Variants in CACNA2D1 observed in about 807,000 individuals in gnomAD.
CACNA2D1 encodes the protein calcium voltage-gated channel auxiliary subunit alpha2delta 1, also known as voltage-dependent calcium channel subunit alpha-2/delta-1.
A neutral mutation model predicts 171.5 loss-of-function variants in CACNA2D1; 53 were observed. The observed-to-expected ratio is 0.31, with a 90% CI of 0.25 to 0.39. The LOEUF (loss-of-function observed/expected upper bound fraction) is 0.39, where lower values mean the gene tolerates loss of function less well. Ranked by LOEUF, CACNA2D1 falls within the 10% of genes least tolerant of loss-of-function variation. The probability of loss-of-function intolerance (pLI) is 1.00; values close to 1 mark genes in which losing one functional copy is unlikely to be tolerated. For synonymous variants in CACNA2D1, 442 were observed against 443.1 expected, an observed-to-expected ratio of 1.00 and a Z score of 0.03; for missense variants, 903 against 1,299.8, an observed-to-expected ratio of 0.69 and a Z score of 4.69.
chr7:82,437,528 T>A (rs189457891), intron 1 of CACNA2D1, among the ~76,000 whole-genome samples: 2 of 152,218 alleles, frequency 1.3e-5, no homozygotes, highest in Admixed American at 1.3e-4. Context: ...CAGAAGCAAA[T>A]GTTAAAATAA....
At chr7:81,980,588 A>C (rs1293898577) in intron 24 of CACNA2D1, among the ~76,000 whole-genome samples, 1 of 136,290 alleles carries the variant, frequency 7.3e-6, no homozygotes, top group Non-Finnish European at 1.6e-5. Flanking sequence ...GCAGATGAGA[A>C]ATATGATTTT....
chr7:82,254,382 A>AT (rs1193381838), intron 3 of CACNA2D1, among the ~76,000 whole-genome samples: 4 of 151,936 alleles, frequency 2.6e-5, no homozygotes, highest in Non-Finnish European at 5.9e-5. Flanking sequence ...TTGCTCTATT[A>AT]TTTTTTCTTC....
In CACNA2D1 at chr7:82,255,601, A is replaced by G. The variant is rs372122340; in HGVS notation, c.294+79534T>C. Among the ~76,000 whole-genome samples the G allele has an allele frequency of 3.0e-3, 456 of 152,302 alleles. 2 individuals are homozygous for G. Among genetic ancestry groups the G allele is most frequent in the African/African-American group, 0.01 (423 of 41,570 alleles). ...CAGGCAGAACTTCTTTAAAAGCCCAATGATAAAAAGAAAATTGTTTTTGAG... is the reference window on the plus strand; with the variant it reads ...CAGGCAGAACTTCTTTAAAAGCCCAGTGATAAAAAGAAAATTGTTTTTGAG... On this transcript the variant is annotated intron_variant, in intron 3 of 38. Coordinates refer to ENST00000356860, the MANE Select transcript of CACNA2D1 (RefSeq NM_000722.4).
chr7:82,174,958 C>T (rs984358290), intron 3 of CACNA2D1, among the ~76,000 whole-genome samples: 63 of 151,814 alleles, frequency 4.1e-4, no homozygotes, highest in African/African-American at 1.3e-3. Flanking sequence ...TTTCCATTAG[C>T]GTTGAATTCT....
intron 2 of CACNA2D1, among the ~76,000 whole-genome samples, chr7:82,346,735 T>C (rs1418083314): frequency 6.6e-6 from 1 of 152,168 alleles, no homozygotes; most frequent in Non-Finnish European, 1.5e-5. Context: ...GAGTAGATCA[T>C]TGTTAGTGGC....
In CACNA2D1 at chr7:82,032,780, T is replaced by C. The variant is rs748977759; in HGVS notation, c.1143+17A>G. 2.3e-6 allele frequency: 3 copies of C among 1,331,162 alleles called. No individual in the cohort carries two copies. The highest frequency in any genetic ancestry group is 2.4e-5 in the East Asian group (1 of 41,340). The allele number at this position is 1,331,162 out of a possible 1,614,324, so 82.5% of individuals were successfully genotyped here. A position where few individuals can be genotyped will look rare whatever the true frequency, so the allele number is the denominator to read the frequency against. ...TAGATCATTATTAAAATTTAAATAT[T>C]ATAAAATTACACTCACTTTTTTATC... On this transcript the variant is annotated intron_variant, in intron 12 of 38. Coordinates refer to ENST00000356860, the MANE Select transcript of CACNA2D1 (RefSeq NM_000722.4).
In CACNA2D1 at chr7:82,137,838, C is replaced by T. The variant is rs955355228; in HGVS notation, c.355-1162G>A. 4.6e-5 allele frequency among the ~76,000 whole-genome samples: 7 copies of T among 151,564 alleles called. No individual in the cohort carries two copies. In the South Asian group the frequency reaches 1.3e-3, roughly 27 times the overall value. On this transcript the variant is annotated intron_variant, in intron 4 of 38. Transcript: ENST00000356860. ...GAGCTTGCAGTGAGCTGAGATCGCG[C>T]GACAGAGCGAGACTCCGCCTCAAAA...
At chr7:82,290,044 T>C (rs890323621) in intron 3 of CACNA2D1, among the ~76,000 whole-genome samples, 82 of 152,218 alleles carry the variant, frequency 5.4e-4, no homozygotes, top group African/African-American at 1.8e-3. Flanking sequence ...AGAGAGAGGC[T>C]AGAAGTTGAA....
intron 2 of CACNA2D1, among the ~76,000 whole-genome samples, chr7:82,349,157 G>T (rs1819573492): frequency 6.6e-6 from 1 of 152,042 alleles, no homozygotes; most frequent in Non-Finnish European, 1.5e-5. Context: ...TACCCTAATA[G>T]AATGAATATA....
At chr7:82,250,012 G>A (rs931678650) in intron 3 of CACNA2D1, among the ~76,000 whole-genome samples, 1 of 152,262 alleles carries the variant, frequency 6.6e-6, no homozygotes, top group Non-Finnish European at 1.5e-5. Flanking sequence ...AAGTCCCAGA[G>A]CATGGTGCTA....
intron 1 of CACNA2D1, among the ~76,000 whole-genome samples, chr7:82,404,349 G>A (rs904917195): frequency 1.3e-5 from 2 of 152,188 alleles, no homozygotes; most frequent in Non-Finnish European, 2.9e-5. Context: ...GGTCAGAACA[G>A]ATTGGCTTCA....
intron 7 of CACNA2D1, among the ~76,000 whole-genome samples, chr7:82,074,755 T>C (rs542314549): frequency 4.5e-4 from 68 of 152,190 alleles, no homozygotes; most frequent in Non-Finnish European, 8.2e-4. Flanking sequence ...TCTAATCAAA[T>C]AATTTTGAAT....
At chr7:82,082,131 C>T (rs1038263599) in intron 7 of CACNA2D1, among the ~76,000 whole-genome samples, 1 of 152,166 alleles carries the variant, frequency 6.6e-6, no homozygotes, top group Non-Finnish European at 1.5e-5. Context: ...TCCCTTGCTC[C>T]ACTCTGGCCC....
intron 2 of CACNA2D1, among the ~76,000 whole-genome samples, chr7:82,341,236 A>T (rs1323574371): frequency 6.6e-6 from 1 of 152,134 alleles, no homozygotes; most frequent in Non-Finnish European, 1.5e-5. Flanking sequence ...AACAAATACT[A>T]ATGTAGTATT....
chr7:82,380,988 C>T (rs1367575340), intron 1 of CACNA2D1, among the ~76,000 whole-genome samples: 1 of 151,974 alleles, frequency 6.6e-6, no homozygotes, highest in Middle Eastern at 3.2e-3. Flanking sequence ...AGCCACTGCG[C>T]CCGGCCACAT....
chr7:82,080,002 T>A (rs1209191009), intron 7 of CACNA2D1, among the ~76,000 whole-genome samples: 3 of 150,586 alleles, frequency 2.0e-5, no homozygotes, highest in Admixed American at 6.6e-5. Flanking sequence ...TTAATTTTTT[T>A]ATTTTTAATT....
chr7:82,143,389 CA>C (rs1792620275), intron 4 of CACNA2D1, among the ~76,000 whole-genome samples: 1 of 152,016 alleles, frequency 6.6e-6, no homozygotes, highest in Non-Finnish European at 1.5e-5. Context: ...TGAAAAATAT[CA>C]GGAATATACA....
At chr7:82,102,975 TCC>T (rs1812867160) in intron 6 of CACNA2D1, among the ~76,000 whole-genome samples, 1 of 152,028 alleles carries the variant, frequency 6.6e-6, no homozygotes, top group Non-Finnish European at 1.5e-5. Flanking sequence ...TACTAGAAAA[TCC>T]GTGACTTTTA....
chr7:82,136,223 T>C (rs1791582112), intron 5 of CACNA2D1, among the ~76,000 whole-genome samples: 1 of 152,194 alleles, frequency 6.6e-6, no homozygotes, highest in African/African-American at 2.4e-5. Flanking sequence ...ATTCATATTG[T>C]AGTTGAAGTA....
Sources: allele counts gnomAD v4.1 joint callset (sites outside exome capture counted in the v4.1 genomes callset), GRCh38; gene constraint gnomAD v4.1.1; transcripts MANE v1.5; gene names NCBI Gene and HGNC (gene_info 2026-07-23, HGNC 2026-07-21).